FMNL2: variants seen among roughly 807,000 people sequenced by gnomAD.
FMNL2 encodes formin like 2.
FMNL2 carries 51 observed loss-of-function variants against 130.2 expected under a neutral mutation model. The ratio of observed to expected loss-of-function variants is 0.39; its 90% CI spans 0.31 to 0.49. The LOEUF (loss-of-function observed/expected upper bound fraction) is 0.49. Ranked by LOEUF, FMNL2 falls within the 20% of genes least tolerant of loss-of-function variation. The pLI, the probability that FMNL2 is intolerant of heterozygous loss-of-function variation, is 0.85. For missense variants in FMNL2, 977 were observed against 1,316.2 expected, an observed-to-expected ratio of 0.74 and a Z score of 3.99; for synonymous variants, 465 against 467.1, an observed-to-expected ratio of 1.00 and a Z score of 0.06.
chr2:152,529,111 T>C (rs1011836478), intron 2 of FMNL2, among the ~76,000 whole-genome samples: 5 of 152,240 alleles, frequency 3.3e-5, no homozygotes, highest in African/African-American at 1.2e-4. Context: ...GATAGTCTTA[T>C]AGTTCATTTG....
chr2:152,415,001 T>C (rs1686526251), intron 1 of FMNL2, among the ~76,000 whole-genome samples: 1 of 152,160 alleles, frequency 6.6e-6, no homozygotes, highest in Non-Finnish European at 1.5e-5. Flanking sequence ...TGAGTTCCTC[T>C]TGGACTTATC....
rs1046284769 is a variant in FMNL2, at chr2:152,572,094, A to T, written c.597-3042A>T. Among the ~76,000 whole-genome samples, 18 of 152,296 alleles carry T rather than the reference A, an allele frequency of 1.2e-4. No homozygotes were observed. The East Asian group carries it at 2.9e-3, about 24-fold the overall frequency. ...TTTTTCTAATGATATTTGGTTCTTC[A>T]GTCCTGTGTATTGTGGAGGGATTTG... On this transcript the variant is annotated intron_variant, in intron 6 of 25. Transcript: ENST00000288670.
intron 9 of FMNL2, among the ~76,000 whole-genome samples, chr2:152,588,507 G>A (rs937946845): frequency 8.6e-5 from 13 of 152,046 alleles, no homozygotes; most frequent in African/African-American, 3.1e-4. Context: ...ACTTCAGATG[G>A]GGAGATTATC....
intron 1 of FMNL2, among the ~76,000 whole-genome samples, chr2:152,489,194 G>A (rs1691005965): frequency 6.6e-6 from 1 of 150,924 alleles, no homozygotes; most frequent in African/African-American, 2.5e-5. Context: ...CAGTGGGGAA[G>A]AATTGAGGTT....
intron 1 of FMNL2, among the ~76,000 whole-genome samples, chr2:152,343,177 G>A (rs1681909091): frequency 6.6e-6 from 1 of 152,176 alleles, no homozygotes; most frequent in Admixed American, 6.5e-5. Flanking sequence ...TGCCACAGAA[G>A]CTGAAAGCCT....
At chr2:152,368,490 A>G (rs1683694961) in intron 1 of FMNL2, among the ~76,000 whole-genome samples, 2 of 152,114 alleles carry the variant, frequency 1.3e-5, no homozygotes, top group South Asian at 2.1e-4. Context: ...AGCAGTAAAA[A>G]TAGCAACTAA....
At chr2:152,509,318 A>G (rs752595872) in intron 1 of FMNL2, among the ~76,000 whole-genome samples, 3 of 152,150 alleles carry the variant, frequency 2.0e-5, no homozygotes, top group Non-Finnish European at 2.9e-5. Flanking sequence ...CTATTATTTA[A>G]TGTTATAGTT....
chr2:152,637,799 C>A, intron 23 of FMNL2, 125 bp downstream of exon 23: 1 of 779,754 alleles, frequency 1.3e-6, no homozygotes. Flanking sequence ...GTGGCATTCA[C>A]GAGATAGCAG....
intron 1 of FMNL2, among the ~76,000 whole-genome samples, chr2:152,514,842 A>G (rs1195935912): frequency 6.6e-6 from 1 of 152,206 alleles, no homozygotes; most frequent in African/African-American, 2.4e-5. Flanking sequence ...GAAATAGCGA[A>G]ATAACAGAAA....
At chr2:152,605,251 A>G (rs1698298828) in intron 9 of FMNL2, among the ~76,000 whole-genome samples, 1 of 152,084 alleles carries the variant, frequency 6.6e-6, no homozygotes, top group Non-Finnish European at 1.5e-5. Flanking sequence ...CACCTGGGCC[A>G]ATTGAATCAG....
In FMNL2 at chr2:152,617,115, G is replaced by T; in HGVS notation, c.1237G>T (p.Glu413Ter). 1 of 1,613,968 alleles carries T rather than the reference G, an allele frequency of 6.2e-7. No homozygotes were observed. Among genetic ancestry groups the T allele is most frequent in the South Asian group, 1.1e-5 (1 of 91,084 alleles). The change falls in exon 13 of 26, where the codon GAG (glutamate) becomes TAG (stop). Residue 413 changes from glutamate (E) to a stop codon, truncating the protein, a stop_gained. Coordinates refer to ENST00000288670, the MANE Select transcript of FMNL2 (RefSeq NM_052905.4). LOFTEE classifies it high-confidence loss of function. ...GTTATCTGAAAAACTGCAAGACACA[G>T]AGAATGAAGCCATGTCCAAGATTGT... is the stretch of plus-strand genomic sequence containing the variant. ...SHLSEKLQDT[E>*]NEAMSKIVEL...
chr2:152,550,599 G>A (rs779914899), intron 4 of FMNL2, among the ~76,000 whole-genome samples: 32 of 152,156 alleles, frequency 2.1e-4, no homozygotes, highest in Admixed American at 5.2e-4. Context: ...GCTGGCAGCC[G>A]TTTCCCTGAA....
At chr2:152,366,867 G>A (rs962057962) in intron 1 of FMNL2, among the ~76,000 whole-genome samples, 1 of 152,030 alleles carries the variant, frequency 6.6e-6, no homozygotes, top group Non-Finnish European at 1.5e-5. Context: ...TCAGGGTAGG[G>A]GGCTGAAGTG....
intron 6 of FMNL2, among the ~76,000 whole-genome samples, chr2:152,567,612 C>T (rs927620118): frequency 6.6e-6 from 1 of 152,114 alleles, no homozygotes; most frequent in Non-Finnish European, 1.5e-5. Flanking sequence ...CAAGTGATGT[C>T]ATGTCTGAAG....
At chr2:152,374,301 A>G (rs1448865131) in intron 1 of FMNL2, among the ~76,000 whole-genome samples, 1 of 152,134 alleles carries the variant, frequency 6.6e-6, no homozygotes, top group South Asian at 2.1e-4. Context: ...GGGAGATATG[A>G]ACTATCCTGC....
chr2:152,629,361 C>T (rs1157748242), intron 18 of FMNL2, among the ~76,000 whole-genome samples: 3 of 152,082 alleles, frequency 2.0e-5, no homozygotes, highest in South Asian at 4.1e-4. Context: ...CAGCTGTGGA[C>T]TCTTAACTCT....
At chr2:152,568,993 C>G (rs935696572) in intron 6 of FMNL2, among the ~76,000 whole-genome samples, 8 of 152,038 alleles carry the variant, frequency 5.3e-5, no homozygotes, top group African/African-American at 1.9e-4. Flanking sequence ...TTTTCATAGA[C>G]ACACCACTTA....
rs191469342 is a variant in FMNL2, at chr2:152,389,948, C to G, written c.117+54228C>G. The G allele has an allele frequency of 4.5e-4, 544 of 1,219,666 alleles. 1 individual carries two copies. The highest frequency in any genetic ancestry group is 8.4e-5 in the Non-Finnish European group (70 of 836,262). The allele number at this position is 1,219,666 out of a possible 1,614,324, so 75.6% of individuals were successfully genotyped here. On this transcript the variant is annotated intron_variant, in intron 1 of 25. Transcript: ENST00000288670. ...GCCGGGCTGGCCAAGGAAGCCAAGT[C>G]AGAGACCTCGGGGCCCCAGATAAAG... is the stretch of plus-strand genomic sequence containing the variant.
chr2:152,408,806 T>TA (rs1257692103), intron 1 of FMNL2, among the ~76,000 whole-genome samples: 4 of 152,096 alleles, frequency 2.6e-5, no homozygotes, highest in Admixed American at 6.5e-5. Flanking sequence ...GTACTGAAAT[T>TA]GAAAAAACAG....
Sources: allele counts gnomAD v4.1 joint callset (sites outside exome capture counted in the v4.1 genomes callset), GRCh38; gene constraint gnomAD v4.1.1; transcripts MANE v1.5; gene names NCBI Gene and HGNC (gene_info 2026-07-23, HGNC 2026-07-21).